The following CD38 variants were observed in gnomAD, a reference collection of about 807,000 sequenced individuals.
CD38 encodes ADP-ribosyl cyclase/cyclic ADP-ribose hydrolase 1.
Under a neutral mutation model 36.3 loss-of-function variants are expected in CD38, and 31 were observed. The observed-to-expected ratio is 0.85, with a 90% CI of 0.64 to 1.15. The LOEUF is 1.15. CD38 is among the 50% of genes most tolerant of loss of function. The probability of loss-of-function intolerance (pLI) is 0.00; values close to 1 mark genes in which losing one functional copy is unlikely to be tolerated. For synonymous variants in CD38, 131 were observed against 135.2 expected, an observed-to-expected ratio of 0.97 and a Z score of 0.22; for missense variants, 380 against 371.9, an observed-to-expected ratio of 1.02 and a Z score of -0.18.
Position 15,848,720 on chromosome 4 carries a change from C to A in CD38, c.*118C>A. Reference sequence around the variant, plus strand: ...TTTGGAGGGTCCTCCACAATAAGGTCAATGCCAGAGACGGAAGCCTTTTTC... The same window carrying A: ...TTTGGAGGGTCCTCCACAATAAGGTAAATGCCAGAGACGGAAGCCTTTTTC... On this transcript the variant is annotated 3_prime_UTR_variant, in exon 8 of 8. Coordinates refer to ENST00000226279, the MANE Select transcript of CD38 (RefSeq NM_001775.4). The A allele has an allele frequency of 4.3e-6, 3 of 694,450 alleles. No homozygotes were observed. Among genetic ancestry groups the A allele is most frequent in the South Asian group, 2.0e-5 (1 of 49,916 alleles). 43.0% of individuals were successfully genotyped at this position (694,450 alleles called of 1,614,324 possible).
intron 1 of CD38, among the ~76,000 whole-genome samples, chr4:15,809,481 C>G (rs923754014): frequency 6.6e-6 from 1 of 152,096 alleles, no homozygotes; most frequent in African/African-American, 2.4e-5. Context: ...TTTGGGAGAC[C>G]TTTTTAGAAA....
intron 1 of CD38, among the ~76,000 whole-genome samples, chr4:15,798,251 G>A (rs988514934): frequency 4.5e-4 from 68 of 152,128 alleles, no homozygotes; most frequent in African/African-American, 1.6e-3. Context: ...GGTGGTCATA[G>A]GATCGGTTCA....
At chr4:15,806,368 G>C (rs1334282153) in intron 1 of CD38, among the ~76,000 whole-genome samples, 1 of 152,160 alleles carries the variant, frequency 6.6e-6, no homozygotes, top group Non-Finnish European at 1.5e-5. Context: ...ATTTCCTGTG[G>C]GAGGCAGCAT....
intron 4 of CD38, 76 bp from the exon 5 acceptor site, chr4:15,838,016 G>A: frequency 1.7e-6 from 2 of 1,162,792 alleles, no homozygotes; most frequent in Non-Finnish European, 1.3e-6. Context: ...CTATTGCTAA[G>A]TATTGTTTTG....
At chr4:15,810,323 G>A (rs1453370921) in intron 1 of CD38, among the ~76,000 whole-genome samples, 2 of 152,132 alleles carry the variant, frequency 1.3e-5, no homozygotes, top group Non-Finnish European at 2.9e-5. Flanking sequence ...AAAGCATCTG[G>A]TACATGTAGG....
chr4:15,822,738 C>T (rs1047348984), intron 2 of CD38, among the ~76,000 whole-genome samples: 3 of 152,098 alleles, frequency 2.0e-5, no homozygotes, highest in East Asian at 3.8e-4. Flanking sequence ...GAATCAATAT[C>T]GTGAAAATGG....
At chr4:15,836,793 C>T (rs921308797) in intron 4 of CD38, among the ~76,000 whole-genome samples, 7 of 152,040 alleles carry the variant, frequency 4.6e-5, no homozygotes, top group African/African-American at 1.2e-4. Context: ...AACCCTGGTA[C>T]GATGGAAACA....
At position 15,799,148 on chromosome 4, in the gene CD38, C is replaced by G. The variant is rs939361786; in HGVS notation, c.234-17363C>G. Among the ~76,000 whole-genome samples, 4 of 152,300 alleles carry G rather than the reference C, an allele frequency of 2.6e-5. No homozygotes were observed. The East Asian group carries it at 5.8e-4, about 22-fold the overall frequency. On this transcript the variant is annotated intron_variant, in intron 1 of 7. Transcript: ENST00000226279. Reference sequence around the variant, plus strand: ...CTAAAAATGTTAAACTTTTGCTTTTCATAGTTAGATCTTTGATCCACTTGG... The same window carrying G: ...CTAAAAATGTTAAACTTTTGCTTTTGATAGTTAGATCTTTGATCCACTTGG...
In CD38 at chr4:15,824,878, TA is replaced by T. The variant is rs1445565370; in HGVS notation, c.364-2del. 1 of 1,611,384 alleles carries T rather than the reference TA, an allele frequency of 6.2e-7. No homozygotes were observed. The highest frequency in any genetic ancestry group is 1.1e-5 in the South Asian group (1 of 90,972). ...GTAATAGATTGTATTTATTCTTCCT[TA>T]GATTCTTCTTTGGAGCAGAATAAAA... On this transcript the variant is annotated splice_acceptor_variant, in intron 2 of 7. Coordinates refer to ENST00000226279, the MANE Select transcript of CD38 (RefSeq NM_001775.4). LOFTEE classifies it high-confidence loss of function.
At chr4:15,839,502 C>T (rs1279635381) in intron 5 of CD38, among the ~76,000 whole-genome samples, 1 of 145,152 alleles carries the variant, frequency 6.9e-6, no homozygotes. Flanking sequence ...CCGCTCACTG[C>T]AAGCTCAGCC....
chr4:15,834,726 G>C (rs1374472858), intron 4 of CD38, among the ~76,000 whole-genome samples: 1 of 152,158 alleles, frequency 6.6e-6, no homozygotes, highest in Non-Finnish European at 1.5e-5. Context: ...TGAAGCAGGT[G>C]CCATGAGTAT....
intron 4 of CD38, among the ~76,000 whole-genome samples, 155 bp downstream of exon 4, chr4:15,834,457 C>G (rs1724023616): frequency 6.6e-6 from 1 of 152,096 alleles, no homozygotes; most frequent in African/African-American, 2.4e-5. Flanking sequence ...GATGCACATG[C>G]CAGAAAATTT....
In CD38 at chr4:15,852,497, G is replaced by C. The variant is rs1379878742; in HGVS notation, c.*3895G>C. On this transcript the variant is annotated 3_prime_UTR_variant, in exon 8 of 8. Transcript: ENST00000226279. ...GGCAAGTTGTTATATGTGCTGGATA[G>C]TTTTTAAGTATGACATAAAAATTGT... 6.6e-6 allele frequency: 1 copy of C among 152,184 alleles called. No homozygotes were observed. The highest frequency in any genetic ancestry group is 1.9e-4 in the East Asian group (1 of 5,202). 9.4% of individuals were successfully genotyped at this position (152,184 alleles called of 1,614,324 possible). A position where few individuals can be genotyped will look rare whatever the true frequency, so the allele number is the denominator to read the frequency against.
At chr4:15,784,999 T>C (rs1421659551) in intron 1 of CD38, among the ~76,000 whole-genome samples, 1 of 151,548 alleles carries the variant, frequency 6.6e-6, no homozygotes, top group Non-Finnish European at 1.5e-5. Flanking sequence ...GAGGTTGCAA[T>C]GAGCTGAGCT....
chr4:15,840,532 T>C lies in CD38; in HGVS notation c.833T>C (p.Ile278Thr), dbSNP rs760107048. Residue 278 changes from isoleucine (I) to threonine (T), a missense_variant, in exon 7 of 8, where the codon ATC (isoleucine) becomes ACC (threonine). Physicochemically the swap from Ile to Thr is moderately conservative, Grantham distance 89. Transcript: ENST00000226279. ...KRNIQFSCKN[I>T]YRPDKFLQCV... ...AATATTCAATTTTCCTGCAAGAATATCTACAGGTAATTAATTTCTTCTTGA... is the reference window on the plus strand; with the variant it reads ...AATATTCAATTTTCCTGCAAGAATACCTACAGGTAATTAATTTCTTCTTGA... The C allele has an allele frequency of 3.6e-5, 55 of 1,545,002 alleles. No homozygotes were observed. Among genetic ancestry groups the C allele is most frequent in the Non-Finnish European group, 4.6e-5 (52 of 1,121,374 alleles).
intron 2 of CD38, 162 bp downstream of exon 2, chr4:15,816,802 T>A (rs1251041697): frequency 1.4e-6 from 1 of 723,138 alleles, no homozygotes; most frequent in Non-Finnish European, 2.4e-6. Context: ...TGAGGGGCCA[T>A]GATATAATTA....
chr4:15,789,553 C>T (rs1722912464), intron 1 of CD38, among the ~76,000 whole-genome samples: 1 of 152,100 alleles, frequency 6.6e-6, no homozygotes, highest in Admixed American at 6.5e-5. Context: ...GCACATTTGT[C>T]CCCTCCAAAA....
chr4:15,783,387 A>T (rs182744623), intron 1 of CD38, among the ~76,000 whole-genome samples: 10 of 152,298 alleles, frequency 6.6e-5, no homozygotes, highest in Admixed American at 2.0e-4. Flanking sequence ...CTCTCCATGG[A>T]TGATGGTGAT....
intron 4 of CD38, among the ~76,000 whole-genome samples, chr4:15,834,989 G>A (rs1444808743): frequency 6.6e-6 from 1 of 152,114 alleles, no homozygotes; most frequent in Non-Finnish European, 1.5e-5. Flanking sequence ...TGAAATCGGG[G>A]TAATTAACAT....
Sources: gnomAD v4.1 joint callset for allele counts (sites outside exome capture counted in the v4.1 genomes callset) on GRCh38, gnomAD v4.1.1 for gene constraint, MANE v1.5 for transcripts, NCBI Gene and HGNC (gene_info 2026-07-23, HGNC 2026-07-21) for gene names.